The following TYW1B variants were observed in gnomAD, a reference collection of about 807,000 sequenced individuals.
TYW1B encodes S-adenosyl-L-methionine-dependent tRNA 4-demethylwyosine synthase TYW1B.
TYW1B carries 73 observed loss-of-function variants against 86.9 expected under a neutral mutation model. The observed-to-expected ratio is 0.84, with a 90% confidence interval of 0.70 to 1.02. The LOEUF (loss-of-function observed/expected upper bound fraction) is 1.02, where lower values mean the gene tolerates loss of function less well. TYW1B is among the 50% of genes least tolerant of loss of function. TYW1B has a pLI of 0.00. For synonymous variants in TYW1B, 248 were observed against 292.8 expected (o/e 0.85, Z 1.56); for missense variants, 637 against 827.4 (o/e 0.77, Z 2.82).
intron 13 of TYW1B, among the ~76,000 whole-genome samples, chr7:72,610,215 G>A (rs1811900833): frequency 6.6e-6 from 1 of 152,118 alleles, no homozygotes; most frequent in African/African-American, 2.4e-5. Flanking sequence ...GGTATATCTG[G>A]TGTTTAAGTA....
chr7:72,672,627 C>T (rs34737359), intron 11 of TYW1B, among the ~76,000 whole-genome samples: 68 of 151,476 alleles, frequency 4.5e-4, no homozygotes, highest in African/African-American at 6.6e-4. Context: ...GTAGGAACCT[C>T]GAATAGAGAA....
intron 13 of TYW1B, among the ~76,000 whole-genome samples, chr7:72,584,460 A>ATTTTTT (rs34009372): frequency 7.0e-6 from 1 of 142,640 alleles, no homozygotes; most frequent in Non-Finnish European, 1.5e-5. Flanking sequence ...GTATATTCCA[A>ATTTTTT]TTTTTTTTTT....
chr7:72,700,966 A>G (rs1335640632), intron 10 of TYW1B, among the ~76,000 whole-genome samples: 1 of 151,968 alleles, frequency 6.6e-6, no homozygotes, highest in African/African-American at 2.4e-5. Context: ...CAGGAGGCTG[A>G]GGCAGGAGAA....
chr7:72,694,306 G>T (rs1375066883), intron 11 of TYW1B, among the ~76,000 whole-genome samples: 1 of 152,112 alleles, frequency 6.6e-6, no homozygotes, highest in South Asian at 2.1e-4. Context: ...GTGGATTTTG[G>T]TACCCATGGG....
chr7:72,664,480 C>T (rs1813413868), intron 11 of TYW1B, among the ~76,000 whole-genome samples: 1 of 152,058 alleles, frequency 6.6e-6, no homozygotes, highest in Non-Finnish European at 1.5e-5. Flanking sequence ...GGCCATTATC[C>T]TTAGCAAACT....
intron 1 of TYW1B, among the ~76,000 whole-genome samples, chr7:72,827,473 T>G (rs1459595726): frequency 1.3e-5 from 2 of 152,066 alleles, no homozygotes; most frequent in Non-Finnish European, 2.9e-5. Context: ...AATAAAATTA[T>G]CATACTGTTA....
intron 13 of TYW1B, among the ~76,000 whole-genome samples, chr7:72,614,807 C>A (rs1481594835): frequency 2.0e-5 from 3 of 152,068 alleles, no homozygotes; most frequent in Non-Finnish European, 2.9e-5. Context: ...ATGCTATGAG[C>A]CAGGTGCTGT....
chr7:72,688,194 A>T (rs1208899927), intron 11 of TYW1B, among the ~76,000 whole-genome samples: 3 of 152,182 alleles, frequency 2.0e-5, no homozygotes, highest in African/African-American at 7.2e-5. Context: ...AGTATGAGTC[A>T]TTTTCTTCAA....
chr7:72,828,141 T>G lies in TYW1B; in HGVS notation c.-66A>C. ...AGAGCCCAAAGGTTCGCACTGGTACTGCGAGACGCACCGAGCTACCTCGCG... is the reference window on the plus strand; with the variant it reads ...AGAGCCCAAAGGTTCGCACTGGTACGGCGAGACGCACCGAGCTACCTCGCG... On this transcript the variant is annotated 5_prime_UTR_variant, in exon 1 of 14. Coordinates refer to ENST00000620995, the MANE Select transcript of TYW1B (RefSeq NM_001145440.3). 6.2e-7 allele frequency: 1 copy of G among 1,608,078 alleles called. No homozygotes were observed. The highest frequency in any genetic ancestry group is 8.5e-7 in the Non-Finnish European group (1 of 1,177,458).
At chr7:72,735,751 T>C (rs1456280926) in intron 8 of TYW1B, among the ~76,000 whole-genome samples, 1 of 151,336 alleles carries the variant, frequency 6.6e-6, no homozygotes, top group East Asian at 1.9e-4. Flanking sequence ...GTGCCTGTAA[T>C]CCCAGCTACT....
chr7:72,703,153 T>C (rs1814530922), intron 10 of TYW1B, among the ~76,000 whole-genome samples: 1 of 150,786 alleles, frequency 6.6e-6, no homozygotes, highest in Admixed American at 6.6e-5. Context: ...GCCTCCCGAG[T>C]AGCTGGGACT....
intron 2 of TYW1B, among the ~76,000 whole-genome samples, chr7:72,825,684 C>A (rs1407069234): frequency 1.3e-5 from 2 of 152,042 alleles, no homozygotes; most frequent in Non-Finnish European, 2.9e-5. Context: ...TCTCAAAAAA[C>A]AAAATAAAAA....
At chr7:72,584,883 C>T (rs1433092271) in intron 13 of TYW1B, among the ~76,000 whole-genome samples, 5 of 152,118 alleles carry the variant, frequency 3.3e-5, no homozygotes, top group Admixed American at 1.3e-4. Context: ...CTTAGGCAAA[C>T]GAGGGGAGCC....
intron 6 of TYW1B, among the ~76,000 whole-genome samples, chr7:72,780,064 T>C (rs1788024709): frequency 6.6e-6 from 1 of 152,208 alleles, no homozygotes; most frequent in Admixed American, 6.5e-5. Flanking sequence ...ATTAGCTTAA[T>C]GCTAGGCCTT....
intron 12 of TYW1B, among the ~76,000 whole-genome samples, chr7:72,626,813 G>C (rs1229158293): frequency 2.6e-5 from 4 of 151,904 alleles, no homozygotes; most frequent in Non-Finnish European, 5.9e-5. Context: ...TGTGACTGTT[G>C]TGCCTACTCT....
chr7:72,600,848 A>T (rs368915005), intron 13 of TYW1B, among the ~76,000 whole-genome samples: 1 of 151,694 alleles, frequency 6.6e-6, no homozygotes, highest in Non-Finnish European at 1.5e-5. Flanking sequence ...GGCGACAGAG[A>T]GAGACCTTGT....
intron 7 of TYW1B, among the ~76,000 whole-genome samples, chr7:72,766,773 A>C (rs1455052846): frequency 6.6e-6 from 1 of 151,724 alleles, no homozygotes; most frequent in Non-Finnish European, 1.5e-5. Flanking sequence ...CTAAAAATAC[A>C]AAAATTACCC....
chr7:72,739,423 G>A (rs1301418316), intron 8 of TYW1B, among the ~76,000 whole-genome samples: 108 of 152,070 alleles, frequency 7.1e-4, no homozygotes, highest in Non-Finnish European at 1.4e-3. Flanking sequence ...GGCCAACATG[G>A]TGAAACCCTG....
intron 10 of TYW1B, among the ~76,000 whole-genome samples, chr7:72,711,349 C>T (rs1786657076): frequency 6.6e-6 from 1 of 152,070 alleles, no homozygotes; most frequent in South Asian, 2.1e-4. Context: ...GCCCTGAATC[C>T]TTGAAAACTC....
Sources: allele counts gnomAD v4.1 joint callset (sites outside exome capture counted in the v4.1 genomes callset), GRCh38; gene constraint gnomAD v4.1.1; transcripts MANE v1.5; gene names NCBI Gene and HGNC (gene_info 2026-07-23, HGNC 2026-07-21).